Variants in SCN8A observed in about 807,000 individuals in gnomAD.
The protein encoded by SCN8A is sodium voltage-gated channel alpha subunit 8.
SCN8A carries 30 observed loss-of-function variants against 184.1 expected under a neutral mutation model. The ratio of observed to expected loss-of-function variants is 0.16; its 90% CI spans 0.12 to 0.22. The LOEUF (loss-of-function observed/expected upper bound fraction) is 0.22, where lower values mean the gene tolerates loss of function less well. SCN8A is among the 10% of genes least tolerant of loss of function. The pLI, the probability that SCN8A is intolerant of heterozygous loss-of-function variation, is 1.00. For synonymous variants in SCN8A, 852 were observed against 907.0 expected (o/e 0.94, Z 1.09); for missense variants, 1,057 against 2,498.9 (o/e 0.42, Z 12.30).
At chr12:51,694,617 C>G (rs1941563852) in intron 6 of SCN8A, among the ~76,000 whole-genome samples, 1 of 152,196 alleles carries the variant, frequency 6.6e-6, no homozygotes, top group African/African-American at 2.4e-5. Flanking sequence ...GTTGCACACT[C>G]TGTTGTGTAG....
intron 12 of SCN8A, among the ~76,000 whole-genome samples, chr12:51,725,347 G>A (rs998691335): frequency 6.6e-6 from 1 of 152,158 alleles, no homozygotes; most frequent in African/African-American, 2.4e-5. Flanking sequence ...CATAGAGAAA[G>A]AAGATGACCA....
chr12:51,634,652 TA>T (rs201890345), intron 1 of SCN8A, among the ~76,000 whole-genome samples: 2 of 43,302 alleles, frequency 4.6e-5, no homozygotes, highest in African/African-American at 1.5e-4. Flanking sequence ...TTATTATTAT[TA>T]TTATTTTTTT....
intron 6 of SCN8A, among the ~76,000 whole-genome samples, chr12:51,698,178 C>G (rs1218491819): frequency 1.3e-5 from 2 of 152,078 alleles, no homozygotes; most frequent in Admixed American, 6.6e-5. Context: ...TTTATATGAA[C>G]CACACTTAAT....
chr12:51,812,230 TGAA>T lies in SCN8A; in HGVS notation c.*4805_*4807del, dbSNP rs1281259532. On this transcript the variant is annotated 3_prime_UTR_variant, in exon 27 of 27. Transcript: ENST00000627620. The stretch of plus-strand genomic sequence containing the variant: ...CACATGTGGTGTGTGTGTGTGTGTG[TGAA>T]GAATGTATATAGGTAAAGGGGAGTG... 3.3e-5 allele frequency: 5 copies of T among 152,266 alleles called. No individual in the cohort carries two copies. The highest frequency in any genetic ancestry group is 1.2e-4 in the African/African-American group (5 of 41,290). The allele number at this position is 152,266 out of a possible 1,614,324, so 9.4% of individuals were successfully genotyped here.
intron 14 of SCN8A, among the ~76,000 whole-genome samples, chr12:51,758,980 G>A (rs997921139): frequency 6.3e-5 from 9 of 142,828 alleles, no homozygotes; most frequent in Admixed American, 1.4e-4. Context: ...ATGTATGTAT[G>A]TATATGTGTG....
chr12:51,726,334 T>A (rs1258601979), intron 12 of SCN8A, among the ~76,000 whole-genome samples: 1 of 152,250 alleles, frequency 6.6e-6, no homozygotes, highest in East Asian at 1.9e-4. Context: ...CTTGCAAATG[T>A]ATAAGCATTA....
At position 51,699,877 on chromosome 12, in the gene SCN8A, T is replaced by C; in HGVS notation, c.928+86T>C. 4.1e-6 allele frequency: 5 copies of C among 1,227,954 alleles called. No individual in the cohort carries two copies. The South Asian group carries it at 7.0e-5, about 17-fold the overall frequency. 76.1% of individuals were successfully genotyped at this position (1,227,954 alleles called of 1,614,324 possible). The stretch of plus-strand genomic sequence containing the variant: ...GAAGCTACCACAGGGCTTAAAAAAG[T>C]AGTTGGAGGCCGGGCGCGGTGGCTC... On this transcript the variant is annotated intron_variant, in intron 7 of 26. Coordinates refer to ENST00000627620, the MANE Select transcript of SCN8A (RefSeq NM_001330260.2).
chr12:51,679,098 A>AAAT (rs551347057), intron 2 of SCN8A, among the ~76,000 whole-genome samples: 131 of 151,210 alleles, frequency 8.7e-4, no homozygotes, highest in South Asian at 1.9e-3. Context: ...AAAAATAAAA[A>AAAT]AAAATAAAGC....
intron 12 of SCN8A, among the ~76,000 whole-genome samples, chr12:51,735,395 A>T (rs1942308120): frequency 6.6e-6 from 1 of 152,224 alleles, no homozygotes; most frequent in Non-Finnish European, 1.5e-5. Context: ...AACTGGGTCC[A>T]ATCCTGTTTA....
chr12:51,692,523 G>T (rs1410387738), intron 6 of SCN8A, among the ~76,000 whole-genome samples: 1 of 152,170 alleles, frequency 6.6e-6, no homozygotes, highest in Non-Finnish European at 1.5e-5. Context: ...TTGCTCCAGA[G>T]GCAGCAACTT....
At chr12:51,788,845 G>A (rs1938163327) in intron 23 of SCN8A, 97 bp downstream of exon 23, 1 of 922,004 alleles carries the variant, frequency 1.1e-6, no homozygotes, top group South Asian at 1.8e-5. Flanking sequence ...AGGGATGAAG[G>A]AATGGAGGAG....
intron 1 of SCN8A, among the ~76,000 whole-genome samples, chr12:51,629,626 G>A (rs575347549): frequency 8.7e-5 from 13 of 149,292 alleles, no homozygotes; most frequent in African/African-American, 1.5e-4. Flanking sequence ...TTTAGAGGAC[G>A]TACATAATTG....
At chr12:51,769,814 G>A (rs1235072219) in intron 17 of SCN8A, 54 bp from the exon 18 acceptor site, 4 of 1,118,854 alleles carry the variant, frequency 3.6e-6, no homozygotes, top group Non-Finnish European at 5.3e-6. Flanking sequence ...TCTCAGTGTG[G>A]AGTGGGCATG....
At chr12:51,785,022 CT>C (rs1212400252) in intron 21 of SCN8A, among the ~76,000 whole-genome samples, 1 of 152,198 alleles carries the variant, frequency 6.6e-6, no homozygotes, top group African/African-American at 2.4e-5. Context: ...TAGACTTGAG[CT>C]TTTGAATCTT....
chr12:51,778,329 C>T (rs1005687773), intron 20 of SCN8A, among the ~76,000 whole-genome samples: 32 of 151,964 alleles, frequency 2.1e-4, no homozygotes, highest in East Asian at 1.2e-3. Flanking sequence ...TTTTTGTCCA[C>T]GTTGGAGTGC....
intron 1 of SCN8A, among the ~76,000 whole-genome samples, chr12:51,657,753 C>G (rs1940850482): frequency 1.3e-5 from 2 of 151,876 alleles, no homozygotes; most frequent in Admixed American, 6.6e-5. Context: ...TAGTTTCATA[C>G]TTACATGTAA....
chr12:51,595,341 C>T (rs2138546347), intron 1 of SCN8A, among the ~76,000 whole-genome samples: 1 of 152,266 alleles, frequency 6.6e-6, no homozygotes, highest in East Asian at 1.9e-4. Context: ...GAAGTAAATG[C>T]AGTCAAAAGA....
chr12:51,705,965 A>G (rs1941776438), intron 10 of SCN8A, among the ~76,000 whole-genome samples: 1 of 152,224 alleles, frequency 6.6e-6, no homozygotes, highest in African/African-American at 2.4e-5. Context: ...TCCTGTGGTC[A>G]TAAAAAGTAT....
chr12:51,765,556 G>C (rs747087392), intron 15 of SCN8A, 115 bp from the exon 16 acceptor site: 6 of 665,962 alleles, frequency 9.0e-6, no homozygotes, highest in Non-Finnish European at 1.5e-5. Context: ...ATTTTCCAAG[G>C]GTGCTCAATA....
Sources: allele counts gnomAD v4.1 joint callset (sites outside exome capture counted in the v4.1 genomes callset), GRCh38; gene constraint gnomAD v4.1.1; transcripts MANE v1.5; gene names NCBI Gene and HGNC (gene_info 2026-07-23, HGNC 2026-07-21).